SGCZ: variants seen among roughly 807,000 people sequenced by gnomAD.
The protein encoded by SGCZ is zeta-sarcoglycan.
A neutral mutation model predicts 41.3 loss-of-function variants in SGCZ; 40 were observed. The observed-to-expected ratio is 0.97, with a 90% CI of 0.75 to 1.26. The LOEUF (loss-of-function observed/expected upper bound fraction) is 1.26. Ranked by LOEUF, SGCZ falls within the 50% of genes most tolerant of loss-of-function variation. SGCZ has a pLI of 0.00. For synonymous variants in SGCZ, 206 were observed against 137.5 expected (o/e 1.50, Z -3.49); for missense variants, 552 against 369.8 (o/e 1.49, Z -4.04).
At chr8:14,292,152 T>C (rs956187459) in intron 3 of SGCZ, among the ~76,000 whole-genome samples, 13 of 152,188 alleles carry the variant, frequency 8.5e-5, no homozygotes, top group African/African-American at 2.9e-4. Flanking sequence ...TAAAAACTTA[T>C]TAAGTACGAA....
intron 2 of SGCZ, among the ~76,000 whole-genome samples, chr8:14,421,055 C>G (rs1368029946): frequency 6.6e-6 from 1 of 152,018 alleles, no homozygotes; most frequent in African/African-American, 2.4e-5. Flanking sequence ...TGATTTTATT[C>G]TAAACTACTC....
At chr8:15,195,655 C>T (rs971734613) in intron 1 of SGCZ, among the ~76,000 whole-genome samples, 1 of 152,200 alleles carries the variant, frequency 6.6e-6, no homozygotes, top group South Asian at 2.1e-4. Flanking sequence ...TTCTATAAGG[C>T]AACTAAACGT....
chr8:14,547,251 A>G (rs1803657415), intron 2 of SGCZ, among the ~76,000 whole-genome samples: 1 of 152,196 alleles, frequency 6.6e-6, no homozygotes, highest in South Asian at 2.1e-4. Context: ...TAAGTATTAC[A>G]TTTTTCAAGA....
intron 1 of SGCZ, among the ~76,000 whole-genome samples, chr8:14,939,880 T>G (rs1471550): frequency 0.2 from 30,274 of 152,112 alleles, 4,066 homozygotes; most frequent in African/African-American, 0.39. Flanking sequence ...ACCACATTGA[T>G]GTCAGCTCAA....
rs1470755089 is a variant in SGCZ at position 14,182,072 on chromosome 8, G to A, written c.425-17370C>T. Among the ~76,000 whole-genome samples the A allele has an allele frequency of 5.3e-5, 8 of 152,278 alleles. No homozygotes were observed. The East Asian group carries it at 9.7e-4, about 18-fold the overall frequency. ...TCCTTTGCATGCTGCTATGTATACT[G>A]TATATGTGGCCTGTACGCATAAGCC... On this transcript the variant is annotated intron_variant, in intron 4 of 7. Coordinates refer to ENST00000382080, the MANE Select transcript of SGCZ (RefSeq NM_139167.4).
At chr8:14,500,419 CA>C (rs1802117085) in intron 2 of SGCZ, among the ~76,000 whole-genome samples, 1 of 144,254 alleles carries the variant, frequency 6.9e-6, no homozygotes, top group Non-Finnish European at 1.5e-5. Flanking sequence ...CAAATCTAAA[CA>C]AAAGTTTGTC....
At chr8:14,367,783 C>T (rs1467015542) in intron 2 of SGCZ, among the ~76,000 whole-genome samples, 2 of 152,060 alleles carry the variant, frequency 1.3e-5, no homozygotes, top group Non-Finnish European at 2.9e-5. Context: ...CACTTGGGGA[C>T]TGCAATTCAA....
chr8:14,944,401 T>C (rs1302419301), intron 1 of SGCZ, among the ~76,000 whole-genome samples: 1 of 152,204 alleles, frequency 6.6e-6, no homozygotes, highest in Non-Finnish European at 1.5e-5. Flanking sequence ...TGATCTTCCC[T>C]GTTGGAGTAT....
At chr8:14,898,626 T>A (rs1200770003) in intron 1 of SGCZ, among the ~76,000 whole-genome samples, 1 of 152,124 alleles carries the variant, frequency 6.6e-6, no homozygotes, top group Admixed American at 6.5e-5. Flanking sequence ...GATTTGAGAA[T>A]ATATATAAGC....
chr8:15,008,494 T>C (rs1333403977), intron 1 of SGCZ, among the ~76,000 whole-genome samples: 2 of 127,280 alleles, frequency 1.6e-5, no homozygotes, highest in East Asian at 2.3e-4. Context: ...AAAATAAAAA[T>C]AAAAAACATT....
chr8:14,760,234 G>A (rs571634639), intron 1 of SGCZ, among the ~76,000 whole-genome samples: 1 of 152,244 alleles, frequency 6.6e-6, no homozygotes, highest in South Asian at 2.1e-4. Context: ...ATGAAAACAA[G>A]GTAATCCCTT....
chr8:14,595,824 G>A (rs555983595), intron 1 of SGCZ, among the ~76,000 whole-genome samples: 1 of 152,088 alleles, frequency 6.6e-6, no homozygotes, highest in South Asian at 2.1e-4. Flanking sequence ...TCTGACAATT[G>A]TCGCATTTTT....
At chr8:14,771,518 T>A (rs1163464421) in intron 1 of SGCZ, among the ~76,000 whole-genome samples, 1 of 152,150 alleles carries the variant, frequency 6.6e-6, no homozygotes, top group Non-Finnish European at 1.5e-5. Context: ...TCACATTGAC[T>A]ATGTCAACTT....
At chr8:15,084,493 G>A (rs1169089182) in intron 1 of SGCZ, among the ~76,000 whole-genome samples, 5 of 152,160 alleles carry the variant, frequency 3.3e-5, no homozygotes, top group Admixed American at 2.6e-4. Flanking sequence ...GCTCACGCCT[G>A]TAATCCCAGC....
chr8:15,157,387 C>G (rs1313309216), intron 1 of SGCZ, among the ~76,000 whole-genome samples: 1 of 151,204 alleles, frequency 6.6e-6, no homozygotes, highest in Admixed American at 6.6e-5. Context: ...CCACTGTACT[C>G]TAGGCTGGGT....
At chr8:14,650,087 G>C (rs1310566646) in intron 1 of SGCZ, among the ~76,000 whole-genome samples, 2 of 152,082 alleles carry the variant, frequency 1.3e-5, no homozygotes, top group African/African-American at 4.8e-5. Flanking sequence ...TCAGGGGTTT[G>C]ACTGAGCACC....
rs761023828 is a variant in SGCZ at position 14,164,536 on chromosome 8, C to A, written c.547+44G>T. The A allele has an allele frequency of 3.7e-6, 6 of 1,610,032 alleles. No homozygotes were observed. In the East Asian group the frequency reaches 1.1e-4, roughly 30 times the overall value. The stretch of plus-strand genomic sequence containing the variant: ...GAAGCTCCTTGTGCAGTTGTATATT[C>A]TTTAAAGAAGTAAACAATTTTTCAA... On this transcript the variant is annotated intron_variant, in intron 5 of 7. Transcript: ENST00000382080.
At chr8:15,056,346 T>C (rs1051942999) in intron 1 of SGCZ, among the ~76,000 whole-genome samples, 3 of 152,188 alleles carry the variant, frequency 2.0e-5, no homozygotes, top group East Asian at 1.9e-4. Context: ...TGAATGTTAA[T>C]TAGAAAAAAT....
chr8:15,159,735 CCCCCACCCTCCCCCCCA>C (rs1310979087), intron 1 of SGCZ, among the ~76,000 whole-genome samples: 1 of 33,122 alleles, frequency 3.0e-5, no homozygotes, highest in Admixed American at 3.1e-4. Flanking sequence ...GCCCCCGCCC[CCCCCACCCTCCCCCCCA>C]CCCCCGCCAC....
Sources: gnomAD v4.1 joint callset for allele counts (sites outside exome capture counted in the v4.1 genomes callset) on GRCh38, gnomAD v4.1.1 for gene constraint, MANE v1.5 for transcripts, NCBI Gene and HGNC (gene_info 2026-07-23, HGNC 2026-07-21) for gene names.